The following CARD8 variants were observed in gnomAD, a reference collection of about 807,000 sequenced individuals.
CARD8 encodes the protein caspase recruitment domain-containing protein 8.
CARD8 carries 38 observed loss-of-function variants against 53.2 expected under a neutral mutation model. The ratio of observed to expected loss-of-function variants is 0.71; its 90% confidence interval spans 0.55 to 0.94. The LOEUF (loss-of-function observed/expected upper bound fraction) is 0.94, where lower values mean the gene tolerates loss of function less well. CARD8 is among the 40% of genes least tolerant of loss of function. The probability of loss-of-function intolerance (pLI) is 0.00; values close to 1 mark genes in which losing one functional copy is unlikely to be tolerated. For missense variants in CARD8, 561 were observed against 655.5 expected, an observed-to-expected ratio of 0.86 and a Z score of 1.57; for synonymous variants, 245 against 244.9, an observed-to-expected ratio of 1.00 and a Z score of 0.00.
intron 3 of CARD8, among the ~76,000 whole-genome samples, chr19:48,246,234 G>A (rs1423794681): frequency 1.3e-5 from 2 of 152,142 alleles, no homozygotes; most frequent in Non-Finnish European, 2.9e-5. Flanking sequence ...CTGAGGTCAT[G>A]CATGTTTGTC....
At chr19:48,228,825 T>TAAGTA (rs1459339536) in intron 10 of CARD8, among the ~76,000 whole-genome samples, 6 of 152,258 alleles carry the variant, frequency 3.9e-5, no homozygotes, top group Non-Finnish European at 7.4e-5. Flanking sequence ...AGACTCATGT[T>TAAGTA]AAGTAGTGTC....
At chr19:48,240,889 G>C (rs539673045) in intron 4 of CARD8, 73 bp downstream of exon 4, 57 of 1,151,596 alleles carry the variant, frequency 4.9e-5, no homozygotes, top group Non-Finnish European at 6.8e-5. Context: ...ATGGTCCTCT[G>C]TATCTCATGA....
intron 12 of CARD8, 89 bp downstream of exon 12, chr19:48,218,782 C>A: frequency 1.5e-6 from 2 of 1,373,898 alleles, no homozygotes; most frequent in Non-Finnish European, 2.0e-6. Context: ...TGGGAAAGAA[C>A]CATAAACAAG....
In CARD8 at chr19:48,211,969, G is replaced by C. The variant is rs767222046; in HGVS notation, c.1355C>G (p.Ala452Gly). ...TTGCCGGTGGTTCTCCTTCACAAAG[G>C]CTGCACCTGGATGAAAGGGGGAGTT... ...ASAPPPFSGA[A>G]FVKENHRQLQ... is the part of the protein sequence containing the mutation. The change falls in exon 14 of 14, where the codon GCC (alanine) becomes GGC (glycine). Residue 452 changes from alanine (A) to glycine (G), a missense_variant. Ala to Gly is a moderately conservative substitution (Grantham distance 60, BLOSUM62 0). Transcript: ENST00000651546. The C allele has an allele frequency of 1.4e-5, 23 of 1,612,828 alleles. No homozygotes were observed. The highest frequency in any genetic ancestry group is 2.0e-5 in the Non-Finnish European group (23 of 1,179,232).
intron 11 of CARD8, among the ~76,000 whole-genome samples, chr19:48,219,356 G>C (rs1487823410): frequency 6.6e-6 from 1 of 152,110 alleles, no homozygotes; most frequent in East Asian, 1.9e-4. Context: ...AAGCAAGAAA[G>C]CTTCCAAAGC....
At chr19:48,213,944 T>C (rs1473633821) in intron 13 of CARD8, among the ~76,000 whole-genome samples, 1 of 152,222 alleles carries the variant, frequency 6.6e-6, no homozygotes, top group Non-Finnish European at 1.5e-5. Context: ...CTGCCAGCTC[T>C]TGACTATCCT....
chr19:48,219,099 C>T (rs2039974286), intron 11 of CARD8, 87 bp from the exon 12 acceptor site: 1 of 1,252,700 alleles, frequency 8.0e-7, no homozygotes, highest in Non-Finnish European at 1.1e-6. Flanking sequence ...GAACTTAACC[C>T]GTTTCCTGTG....
rs758505541 is a variant in CARD8 at position 48,234,544 on chromosome 19, C to T, written c.210-1G>A. ...AACACAGGGTAGCTCCCTGTATACCCTGGAAAACAACAACAGAATTTTTAC... is the reference window on the plus strand; with the variant it reads ...AACACAGGGTAGCTCCCTGTATACCTTGGAAAACAACAACAGAATTTTTAC... On this transcript the variant is annotated splice_acceptor_variant, in intron 5 of 13. Coordinates refer to ENST00000651546, the MANE Select transcript of CARD8 (RefSeq NM_001184900.3). LOFTEE classifies it high-confidence loss of function. 1.2e-6 allele frequency: 2 copies of T among 1,611,088 alleles called. No individual in the cohort carries two copies. Among genetic ancestry groups the T allele is most frequent in the South Asian group, 1.1e-5 (1 of 90,808 alleles).
downstream of CARD8, chr19:48,206,504 A>G (rs1236528294): frequency 2.2e-6 from 1 of 461,826 alleles, no homozygotes; most frequent in Admixed American, 2.3e-5. Context: ...GGCAGCATCC[A>G]GGCCACATCC....
downstream of CARD8, chr19:48,204,081 C>A: frequency 4.5e-6 from 2 of 444,062 alleles, no homozygotes; most frequent in South Asian, 3.2e-5. Flanking sequence ...ACCCGCTGAG[C>A]ATTGTGGGGC....
chr19:48,233,223 A>G, intron 6 of CARD8: 1 of 414,720 alleles, frequency 2.4e-6, no homozygotes, highest in South Asian at 1.7e-5. Flanking sequence ...GCGTGAGCCA[A>G]TGGTTCGTCA....
chr19:48,224,040 C>A (rs1246138305), intron 10 of CARD8, among the ~76,000 whole-genome samples: 1 of 152,156 alleles, frequency 6.6e-6, no homozygotes, highest in Non-Finnish European at 1.5e-5. Context: ...CAGCTCACTG[C>A]AACCTCTGCC....
chr19:48,246,560 A>G (rs1172796563), intron 3 of CARD8, among the ~76,000 whole-genome samples: 2 of 152,178 alleles, frequency 1.3e-5, no homozygotes, highest in Non-Finnish European at 1.5e-5. Context: ...TGACAAACAG[A>G]TAGACAAATA....
chr19:48,221,878 A>G, intron 10 of CARD8, 23 bp from the exon 11 acceptor site: 3 of 1,555,404 alleles, frequency 1.9e-6, no homozygotes, highest in Non-Finnish European at 2.6e-6. Flanking sequence ...GGGCAGAAAC[A>G]TTAGAGAGCA....
At chr19:48,205,920 CAG>C (rs2037327340), downstream of CARD8, among the ~76,000 whole-genome samples, 1 of 151,924 alleles carries the variant, frequency 6.6e-6, no homozygotes, top group East Asian at 1.9e-4. Flanking sequence ...TTTTTTGAGA[CAG>C]AGTCTCACTC....
downstream of CARD8, chr19:48,204,289 A>G (rs1351115053): frequency 6.9e-6 from 3 of 432,274 alleles, no homozygotes; most frequent in Non-Finnish European, 1.4e-5. Flanking sequence ...GGGAGAAATT[A>G]GACTAACAGC....
rs140605609 is a variant in CARD8, at chr19:48,219,408, T to G, written c.1162-396A>C. ...TCTGAGCCTCGCTGGGAAGCCGGGG[T>G]CAGATAAGCCATTTCAGGTCCCTCT... On this transcript the variant is annotated intron_variant, in intron 11 of 13. Transcript: ENST00000651546. 4.0e-5 allele frequency among the ~76,000 whole-genome samples: 6 copies of G among 151,898 alleles called. No individual in the cohort carries two copies. In the East Asian group the frequency reaches 1.2e-3, roughly 29 times the overall value.
intron 3 of CARD8, among the ~76,000 whole-genome samples, chr19:48,246,176 C>G (rs1025608634): frequency 6.6e-6 from 1 of 152,136 alleles, no homozygotes; most frequent in Non-Finnish European, 1.5e-5. Context: ...AACTATTTTA[C>G]AGAATGTTTA....
At chr19:48,217,760 T>C (rs1178700886) in intron 12 of CARD8, among the ~76,000 whole-genome samples, 2 of 152,240 alleles carry the variant, frequency 1.3e-5, no homozygotes, top group African/African-American at 2.4e-5. Context: ...TACAAATGTA[T>C]TGGAGATATA....
Sources: gnomAD v4.1 joint callset for allele counts (sites outside exome capture counted in the v4.1 genomes callset) on GRCh38, gnomAD v4.1.1 for gene constraint, MANE v1.5 for transcripts, NCBI Gene and HGNC (gene_info 2026-07-23, HGNC 2026-07-21) for gene names.